Variants in ATP10B observed in about 807,000 individuals in gnomAD.
ATP10B encodes ATPase phospholipid transporting 10B (putative).
In ATP10B, 122 loss-of-function variants were observed where a neutral mutation model predicts 141.2. That is an observed-to-expected ratio of 0.86 (90% CI 0.75 to 1.00). The LOEUF (loss-of-function observed/expected upper bound fraction) is 1.00. Ranked by LOEUF, ATP10B falls within the 50% of genes least tolerant of loss-of-function variation. ATP10B has a pLI of 0.00. For synonymous variants in ATP10B, 685 were observed against 692.0 expected (o/e 0.99, Z 0.16); for missense variants, 1,876 against 1,825.3 (o/e 1.03, Z -0.51).
rs1290795566 is a variant in ATP10B at position 160,687,899 on chromosome 5, C to T, written c.176G>A (p.Trp59Ter). The T allele has an allele frequency of 6.2e-7, 1 of 1,614,008 alleles. No homozygotes were observed. The highest frequency in any genetic ancestry group is 8.5e-7 in the Non-Finnish European group (1 of 1,180,024). ...FPNNSIFHQD[W>*]EEVSRRYPGN... Reference sequence around the variant, plus strand: ...AGGGTATCTCCTGGAGACCTCTTCCCAATCTTGATGGAATATGCTGTTGTT... The same window carrying T: ...AGGGTATCTCCTGGAGACCTCTTCCTAATCTTGATGGAATATGCTGTTGTT... Residue 59 changes from tryptophan to a stop codon, truncating the protein, a stop_gained, in exon 5 of 26, where the codon TGG (tryptophan) becomes TAG (stop). Coordinates refer to ENST00000327245, the MANE Select transcript of ATP10B (RefSeq NM_025153.3). LOFTEE classifies it high-confidence loss of function.
chr5:160,597,200 T>C (rs1292662067), intron 22 of ATP10B, among the ~76,000 whole-genome samples: 1 of 152,122 alleles, frequency 6.6e-6, no homozygotes, highest in East Asian at 1.9e-4. Flanking sequence ...AACAGAGATA[T>C]AGATCAATGG....
intron 21 of ATP10B, among the ~76,000 whole-genome samples, chr5:160,601,424 A>G (rs1388403520): frequency 6.6e-6 from 1 of 152,182 alleles, no homozygotes; most frequent in Non-Finnish European, 1.5e-5. Flanking sequence ...GGGGTTTATT[A>G]AAAGCCTTTG....
intron 24 of ATP10B, among the ~76,000 whole-genome samples, chr5:160,583,049 G>C (rs2127603282): frequency 6.6e-6 from 1 of 152,202 alleles, no homozygotes; most frequent in East Asian, 1.9e-4. Context: ...GGAGGTGTTT[G>C]TTATTACCCA....
the ATP10B span, among the ~76,000 whole-genome samples, chr5:160,870,409 T>TA: frequency 2.2e-3 from 309 of 139,990 alleles, no homozygotes; most frequent in Non-Finnish European, 2.7e-3. Context: ...GAACAAACAA[T>TA]AAAAAAAAAA....
At chr5:160,780,826 A>G (rs1368879543) in intron 2 of ATP10B, among the ~76,000 whole-genome samples, 4 of 152,186 alleles carry the variant, frequency 2.6e-5, no homozygotes, top group African/African-American at 9.6e-5. Context: ...CTTTGATTTC[A>G]TAGTAAATGT....
chr5:160,628,483 G>A (rs1044591673), intron 13 of ATP10B, among the ~76,000 whole-genome samples: 1 of 152,316 alleles, frequency 6.6e-6, no homozygotes, highest in African/African-American at 2.4e-5. Context: ...GACTGGGAGT[G>A]CTGCATAAAT....
At chr5:160,847,772 T>A (rs1410856242) in intron 1 of ATP10B, among the ~76,000 whole-genome samples, 1 of 152,176 alleles carries the variant, frequency 6.6e-6, no homozygotes, top group Non-Finnish European at 1.5e-5. Flanking sequence ...AAACGCGGGT[T>A]ATTAAGTAGG....
intron 12 of ATP10B, chr5:160,633,690 T>TA (rs1383237799): frequency 7.0e-6 from 1 of 142,340 alleles, no homozygotes; most frequent in Non-Finnish European, 1.4e-5. Context: ...TCCCAGAACT[T>TA]AAAGTATTGA....
Position 160,674,831 on chromosome 5 carries a change from T to G in ATP10B, c.471-4164A>C, listed in dbSNP as rs1762926257. On this transcript the variant is annotated intron_variant, in intron 6 of 25. Coordinates refer to ENST00000327245, the MANE Select transcript of ATP10B (RefSeq NM_025153.3). ...TGGCCAGTACAAAATTTGAAAAATTTTATTTATAGTAACTAAACTTAGTTA... is the reference window on the plus strand; with the variant it reads ...TGGCCAGTACAAAATTTGAAAAATTGTATTTATAGTAACTAAACTTAGTTA... 2.0e-5 allele frequency among the ~76,000 whole-genome samples: 3 copies of G among 152,094 alleles called. No homozygotes were observed. In the South Asian group the frequency reaches 6.2e-4, roughly 32 times the overall value.
At chr5:160,567,127 C>T (rs1039900964) in intron 25 of ATP10B, among the ~76,000 whole-genome samples, 1 of 152,152 alleles carries the variant, frequency 6.6e-6, no homozygotes, top group Admixed American at 6.5e-5. Flanking sequence ...ACCTTTTCCT[C>T]AAGCCACTGC....
At chr5:160,783,047 A>T (rs559835935) in intron 2 of ATP10B, among the ~76,000 whole-genome samples, 41 of 152,114 alleles carry the variant, frequency 2.7e-4, no homozygotes, top group South Asian at 2.1e-3. Context: ...ATTTTCTTCC[A>T]TAAGTTATTG....
intron 1 of ATP10B, among the ~76,000 whole-genome samples, chr5:160,845,727 G>A (rs939122443): frequency 6.6e-6 from 1 of 152,078 alleles, no homozygotes; most frequent in Non-Finnish European, 1.5e-5. Context: ...CTACAATTAT[G>A]TGCTAACATT....
chr5:160,747,558 G>A (rs1020288341), intron 2 of ATP10B, among the ~76,000 whole-genome samples: 1 of 152,104 alleles, frequency 6.6e-6, no homozygotes, highest in Non-Finnish European at 1.5e-5. Context: ...GGTGGCCAGG[G>A]GAAGACAGAG....
chr5:160,864,599 AT>A, the ATP10B span, among the ~76,000 whole-genome samples: 31 of 151,970 alleles, frequency 2.0e-4, no homozygotes, highest in African/African-American at 7.0e-4. Flanking sequence ...GAAAAAAAAA[AT>A]AAAGAGTATC....
intron 2 of ATP10B, among the ~76,000 whole-genome samples, chr5:160,736,323 T>C (rs1040304692): frequency 6.6e-6 from 1 of 152,210 alleles, no homozygotes; most frequent in Non-Finnish European, 1.5e-5. Context: ...TAGTGGCTGC[T>C]ATGAGCAAAG....
chr5:160,593,782 G>C (rs142557223), intron 22 of ATP10B, among the ~76,000 whole-genome samples: 2 of 152,204 alleles, frequency 1.3e-5, no homozygotes, highest in Non-Finnish European at 2.9e-5. Context: ...CTCAGGAGCC[G>C]ATGTGATCAA....
At chr5:160,918,307 C>T in the ATP10B span, among the ~76,000 whole-genome samples, 1 of 152,166 alleles carries the variant, frequency 6.6e-6, no homozygotes, top group African/African-American at 2.4e-5. Flanking sequence ...TGGTAATAAA[C>T]TACAGAGCTA....
the ATP10B span, among the ~76,000 whole-genome samples, chr5:160,886,150 A>T: frequency 8.5e-5 from 13 of 152,184 alleles, no homozygotes; most frequent in African/African-American, 1.7e-4. Context: ...TGTTTTGTAA[A>T]CCCATGGCTG....
the ATP10B span, among the ~76,000 whole-genome samples, chr5:160,924,156 A>G: frequency 6.6e-6 from 1 of 152,268 alleles, no homozygotes; most frequent in African/African-American, 2.4e-5. Flanking sequence ...CCTTGCCAGC[A>G]GAACAGGTTT....
Sources: allele counts gnomAD v4.1 joint callset (sites outside exome capture counted in the v4.1 genomes callset), GRCh38; gene constraint gnomAD v4.1.1; transcripts MANE v1.5; gene names NCBI Gene and HGNC (gene_info 2026-07-23, HGNC 2026-07-21).